Variants in SAMD12 observed in about 807,000 individuals in gnomAD.
SAMD12 encodes sterile alpha motif domain-containing protein 12.
In SAMD12, 9 loss-of-function variants were observed where a neutral mutation model predicts 15.0. The observed-to-expected ratio is 0.60, with a 90% confidence interval of 0.36 to 1.05. The LOEUF is 1.05. Among genes scored for constraint, SAMD12 ranks in the 50% least tolerant of loss-of-function variants. SAMD12 has a pLI of 0.01. For missense variants in SAMD12, 230 were observed against 234.2 expected (o/e 0.98, Z 0.12); for synonymous variants, 86 against 90.1 (o/e 0.96, Z 0.25).
chr8:118,354,458 C>A (rs187718951), intron 4 of SAMD12, among the ~76,000 whole-genome samples: 2 of 152,322 alleles, frequency 1.3e-5, no homozygotes, highest in East Asian at 3.9e-4. Flanking sequence ...ATGGAGTTTT[C>A]TTCCAGTTTC....
chr8:118,603,959 T>A (rs1306263419), intron 1 of SAMD12, among the ~76,000 whole-genome samples: 1 of 152,238 alleles, frequency 6.6e-6, no homozygotes, highest in African/African-American at 2.4e-5. Context: ...AGACAATGAC[T>A]AATTTTTAAA....
chr8:118,511,737 A>T (rs1825089441), intron 2 of SAMD12, among the ~76,000 whole-genome samples: 1 of 152,230 alleles, frequency 6.6e-6, no homozygotes, highest in Admixed American at 6.5e-5. Flanking sequence ...TCACAATGGC[A>T]TATAGATCAT....
At chr8:118,232,297 G>A (rs148919139) in intron 4 of SAMD12, among the ~76,000 whole-genome samples, 2 of 152,274 alleles carry the variant, frequency 1.3e-5, no homozygotes, top group African/African-American at 4.8e-5. Context: ...TGGGGGATCA[G>A]AGGGATGTTG....
intron 2 of SAMD12, among the ~76,000 whole-genome samples, chr8:118,463,944 C>G (rs1229211138): frequency 6.6e-6 from 1 of 152,102 alleles, no homozygotes; most frequent in Non-Finnish European, 1.5e-5. Flanking sequence ...ACCTCTGACT[C>G]GCAATGAATG....
chr8:118,584,956 A>C (rs78861840), intron 1 of SAMD12, among the ~76,000 whole-genome samples: 69 of 134,732 alleles, frequency 5.1e-4, no homozygotes, highest in Middle Eastern at 3.8e-3. Context: ...CACACACACA[A>C]ACACACACAC....
At chr8:118,567,415 C>A (rs943380933) in intron 2 of SAMD12, among the ~76,000 whole-genome samples, 2 of 152,160 alleles carry the variant, frequency 1.3e-5, no homozygotes, top group Admixed American at 1.3e-4. Flanking sequence ...TACTCTCACC[C>A]AGGCAATGTG....
At chr8:118,367,714 A>G (rs1818872475) in intron 4 of SAMD12, among the ~76,000 whole-genome samples, 1 of 152,206 alleles carries the variant, frequency 6.6e-6, no homozygotes, top group African/African-American at 2.4e-5. Flanking sequence ...GTATGCAAAG[A>G]ATGACTTAAA....
chr8:118,618,612 G>T (rs372103002), intron 1 of SAMD12, among the ~76,000 whole-genome samples: 2 of 152,174 alleles, frequency 1.3e-5, no homozygotes, highest in East Asian at 3.9e-4. Flanking sequence ...GGCCGAGGCG[G>T]GCGGATCACG....
the SAMD12 span, among the ~76,000 whole-genome samples, chr8:118,148,383 T>G: frequency 4.6e-5 from 7 of 152,318 alleles, 1 homozygote; most frequent in African/African-American, 1.7e-4. Context: ...GGTATGTATA[T>G]ATTCAGAAAT....
intron 4 of SAMD12, among the ~76,000 whole-genome samples, chr8:118,347,954 C>A (rs1273131709): frequency 1.3e-5 from 2 of 152,194 alleles, no homozygotes; most frequent in Non-Finnish European, 2.9e-5. Context: ...AGTTTCCCAG[C>A]TGTGCCAGTG....
chr8:118,282,744 C>T (rs1813713016), intron 4 of SAMD12, among the ~76,000 whole-genome samples: 1 of 152,198 alleles, frequency 6.6e-6, no homozygotes, highest in East Asian at 1.9e-4. Flanking sequence ...GGTTTTAAAG[C>T]AATTATGACA....
intron 3 of SAMD12, among the ~76,000 whole-genome samples, chr8:118,424,531 T>C (rs1215568082): frequency 6.6e-6 from 1 of 152,184 alleles, no homozygotes; most frequent in African/African-American, 2.4e-5. Context: ...ATCAAAGATA[T>C]GAAGCTTGCC....
intron 2 of SAMD12, among the ~76,000 whole-genome samples, chr8:118,549,515 C>A (rs1259574636): frequency 6.6e-6 from 1 of 152,128 alleles, no homozygotes; most frequent in African/African-American, 2.4e-5. Context: ...GACATCCACA[C>A]CAAAAACCCA....
intron 4 of SAMD12, among the ~76,000 whole-genome samples, chr8:118,333,839 G>A (rs982011068): frequency 5.3e-5 from 8 of 150,770 alleles, no homozygotes; most frequent in East Asian, 3.9e-4. Context: ...GTGTGTGCCC[G>A]TTGGCGGGGG....
intron 1 of SAMD12, among the ~76,000 whole-genome samples, chr8:118,610,092 G>A (rs1270035388): frequency 1.3e-5 from 2 of 152,160 alleles, no homozygotes; most frequent in African/African-American, 4.8e-5. Context: ...AAATAAAATA[G>A]CAATTTACAC....
Position 118,529,432 on chromosome 8 carries a change from G to T in SAMD12, c.192+51283C>A, listed in dbSNP as rs1825623911. Among the ~76,000 whole-genome samples the T allele has an allele frequency of 2.0e-5, 3 of 152,160 alleles. 1 individual carries two copies. In the South Asian group the frequency reaches 6.2e-4, roughly 31 times the overall value. ...TAGACATTTAGGGGATACAAGTGCG[G>T]TTTTGTTACATGGATATATTGCATA... On this transcript the variant is annotated intron_variant, in intron 2 of 3. Coordinates refer to ENST00000314727, the MANE Select transcript of SAMD12 (RefSeq NM_207506.3).
chr8:118,467,443 T>C (rs1224251241), intron 2 of SAMD12, among the ~76,000 whole-genome samples: 2 of 152,202 alleles, frequency 1.3e-5, no homozygotes, highest in East Asian at 3.8e-4. Flanking sequence ...TTATTGCTTT[T>C]GTTTTATATT....
At chr8:118,532,574 G>C (rs937427742) in intron 2 of SAMD12, among the ~76,000 whole-genome samples, 111 of 152,120 alleles carry the variant, frequency 7.3e-4, no homozygotes, top group African/African-American at 2.0e-3. Flanking sequence ...GTCCTGGACT[G>C]TTTTTGGTTC....
intron 2 of SAMD12, among the ~76,000 whole-genome samples, chr8:118,472,216 G>A (rs1278625260): frequency 6.6e-6 from 1 of 151,836 alleles, no homozygotes; most frequent in Non-Finnish European, 1.5e-5. Context: ...GAACCCGGGA[G>A]GCGGAGCTTG....
Sources: allele counts gnomAD v4.1 joint callset (sites outside exome capture counted in the v4.1 genomes callset), GRCh38; gene constraint gnomAD v4.1.1; transcripts MANE v1.5; gene names NCBI Gene and HGNC (gene_info 2026-07-23, HGNC 2026-07-21).